CNTN5: variants seen among roughly 807,000 people sequenced by gnomAD.
CNTN5 encodes the protein contactin-5.
Under a neutral mutation model 129.1 loss-of-function variants are expected in CNTN5, and 77 were observed. That is an observed-to-expected ratio of 0.60 (90% CI 0.50 to 0.72). The LOEUF is 0.72. CNTN5 is among the 30% of genes least tolerant of loss of function. The pLI, the probability that CNTN5 is intolerant of heterozygous loss-of-function variation, is 0.00. For missense variants in CNTN5, 1,478 were observed against 1,328.8 expected, an observed-to-expected ratio of 1.11 and a Z score of -1.75; for synonymous variants, 509 against 465.6, an observed-to-expected ratio of 1.09 and a Z score of -1.20.
At chr11:99,311,423 C>T (rs188299730) in intron 1 of CNTN5, among the ~76,000 whole-genome samples, 1 of 152,088 alleles carries the variant, frequency 6.6e-6, no homozygotes, top group Admixed American at 6.5e-5. Flanking sequence ...GTTGTGTTGA[C>T]CTTATCAAAT....
intron 2 of CNTN5, among the ~76,000 whole-genome samples, chr11:99,491,117 T>A (rs1027759596): frequency 2.6e-5 from 4 of 152,088 alleles, no homozygotes; most frequent in Non-Finnish European, 5.9e-5. Flanking sequence ...GTGAGAACAA[T>A]GTACTCCTTT....
At chr11:99,384,857 A>G (rs1299200715) in intron 2 of CNTN5, among the ~76,000 whole-genome samples, 2 of 152,170 alleles carry the variant, frequency 1.3e-5, no homozygotes, top group East Asian at 1.9e-4. Flanking sequence ...TACCATATCT[A>G]TCACCTCCCA....
intron 6 of CNTN5, among the ~76,000 whole-genome samples, chr11:99,901,572 C>A (rs1413938713): frequency 6.6e-6 from 1 of 152,072 alleles, no homozygotes; most frequent in Non-Finnish European, 1.5e-5. Flanking sequence ...TGATTACAGG[C>A]ACGAGCCACC....
At chr11:99,932,189 T>C (rs1164610595) in intron 7 of CNTN5, among the ~76,000 whole-genome samples, 1 of 152,190 alleles carries the variant, frequency 6.6e-6, no homozygotes, top group Non-Finnish European at 1.5e-5. Flanking sequence ...AACGTGTATT[T>C]TATTTTATTT....
At chr11:99,186,527 A>C (rs888102856) in intron 1 of CNTN5, among the ~76,000 whole-genome samples, 10 of 152,014 alleles carry the variant, frequency 6.6e-5, no homozygotes, top group African/African-American at 2.4e-4. Flanking sequence ...TTCTCTAAGA[A>C]AGTTTTTTAT....
chr11:100,189,528 C>T (rs1339276558), intron 13 of CNTN5, among the ~76,000 whole-genome samples: 2 of 152,118 alleles, frequency 1.3e-5, no homozygotes, highest in Admixed American at 6.6e-5. Flanking sequence ...GTAAAATCCA[C>T]ATAATTTCAA....
At chr11:99,131,300 G>GCCTGAAAGATCTCAGATCAACCA (rs1858927353) in intron 1 of CNTN5, among the ~76,000 whole-genome samples, 1 of 120,324 alleles carries the variant, frequency 8.3e-6, no homozygotes, top group Non-Finnish European at 1.8e-5. Context: ...ACATCAAAAA[G>GCCTGAAAGATCTCAGATCAACCA]CCTGAAAGAT....
At chr11:99,533,263 C>T (rs1237849702) in intron 2 of CNTN5, among the ~76,000 whole-genome samples, 2 of 152,130 alleles carry the variant, frequency 1.3e-5, no homozygotes, top group African/African-American at 2.4e-5. Flanking sequence ...ACAACAAGAA[C>T]AAAACCCAGT....
intron 3 of CNTN5, among the ~76,000 whole-genome samples, chr11:99,716,024 T>TA (rs1955204419): frequency 3.4e-5 from 2 of 59,476 alleles, no homozygotes; most frequent in Non-Finnish European, 4.4e-5. Flanking sequence ...GTCATCTAAT[T>TA]TAAAAAAAAG....
At chr11:99,619,577 T>C (rs1458609606) in intron 3 of CNTN5, among the ~76,000 whole-genome samples, 1 of 152,118 alleles carries the variant, frequency 6.6e-6, no homozygotes, top group Non-Finnish European at 1.5e-5. Context: ...TTTTATACTT[T>C]TTTGCATCAA....
At chr11:100,218,078 C>G (rs1949182020) in intron 15 of CNTN5, among the ~76,000 whole-genome samples, 1 of 152,140 alleles carries the variant, frequency 6.6e-6, no homozygotes, top group Non-Finnish European at 1.5e-5. Context: ...ATAAAGTGAA[C>G]AGGTTGAATC....
chr11:99,580,961 G>T (rs1265615966), intron 3 of CNTN5, among the ~76,000 whole-genome samples: 34 of 145,278 alleles, frequency 2.3e-4, no homozygotes, highest in Non-Finnish European at 5.0e-4. Flanking sequence ...TTTCTCTTGT[G>T]GGCATTTAGT....
intron 9 of CNTN5, among the ~76,000 whole-genome samples, chr11:100,003,088 A>G (rs2137480924): frequency 6.6e-6 from 1 of 152,266 alleles, no homozygotes; most frequent in African/African-American, 2.4e-5. Context: ...GCTAAGGTAG[A>G]TTTAAGGAAC....
In CNTN5 at chr11:99,775,371, C is replaced by T. The variant is rs185846391; in HGVS notation, c.56-44173C>T. On this transcript the variant is annotated intron_variant, in intron 3 of 24. Coordinates refer to ENST00000524871, the MANE Select transcript of CNTN5 (RefSeq NM_014361.4). The stretch of plus-strand genomic sequence containing the variant: ...GATTTCCTGGGGATAAATGGTTGGA[C>T]TGATTAAATATCTGTTCATGACACT... Among the ~76,000 whole-genome samples, 45 of 151,960 alleles carry T rather than the reference C, an allele frequency of 3.0e-4. No homozygotes were observed. In the East Asian group the frequency reaches 8.1e-3, roughly 27 times the overall value.
chr11:99,872,183 A>G (rs1328526560), intron 6 of CNTN5, among the ~76,000 whole-genome samples: 2 of 152,080 alleles, frequency 1.3e-5, no homozygotes, highest in African/African-American at 4.8e-5. Flanking sequence ...CTGTTTTTAT[A>G]ACAAGTGATT....
At chr11:99,440,753 A>G (rs1452362260) in intron 2 of CNTN5, among the ~76,000 whole-genome samples, 1 of 152,182 alleles carries the variant, frequency 6.6e-6, no homozygotes, top group Non-Finnish European at 1.5e-5. Context: ...AGCATTATGA[A>G]GGAGCAAGTT....
chr11:99,086,260 A>T (rs903400250), intron 1 of CNTN5, among the ~76,000 whole-genome samples: 2 of 152,202 alleles, frequency 1.3e-5, no homozygotes, highest in Non-Finnish European at 2.9e-5. Context: ...CATCTCACAC[A>T]CACCCACACT....
At chr11:100,331,238 G>A (rs888702513) in intron 21 of CNTN5, among the ~76,000 whole-genome samples, 16 of 151,942 alleles carry the variant, frequency 1.1e-4, no homozygotes, top group African/African-American at 3.4e-4. Flanking sequence ...AAGACAAAGA[G>A]GGATATTATA....
At chr11:99,618,563 A>G (rs1227930892) in intron 3 of CNTN5, among the ~76,000 whole-genome samples, 1 of 152,222 alleles carries the variant, frequency 6.6e-6, no homozygotes, top group Non-Finnish European at 1.5e-5. Flanking sequence ...TATCTTCAGC[A>G]CAAAGTTTCA....
Sources: allele counts gnomAD v4.1 joint callset (sites outside exome capture counted in the v4.1 genomes callset), GRCh38; gene constraint gnomAD v4.1.1; transcripts MANE v1.5; gene names NCBI Gene and HGNC (gene_info 2026-07-23, HGNC 2026-07-21).